SNX29: variants seen among roughly 807,000 people sequenced by gnomAD.
SNX29 encodes sorting nexin-29.
Under a neutral mutation model 102.1 loss-of-function variants are expected in SNX29, and 78 were observed. The observed-to-expected ratio is 0.76, with a 90% confidence interval of 0.64 to 0.92. The LOEUF (loss-of-function observed/expected upper bound fraction) is 0.92, where lower values mean the gene tolerates loss of function less well. Among genes scored for constraint, SNX29 ranks in the 40% least tolerant of loss-of-function variants. The pLI is 0.00. For missense variants in SNX29, 1,280 were observed against 1,061.7 expected (o/e 1.21, Z -2.86); for synonymous variants, 580 against 414.5 (o/e 1.40, Z -4.85).
chr16:12,496,529 T>TTTTTTTTTAC (rs1384093862), intron 19 of SNX29, among the ~76,000 whole-genome samples: 1 of 139,772 alleles, frequency 7.2e-6, no homozygotes, highest in African/African-American at 2.6e-5. Context: ...TTTTTTTTTT[T>TTTTTTTTTAC]AAACCTAGTC....
At chr16:12,348,578 C>A (rs888283040) in intron 15 of SNX29, among the ~76,000 whole-genome samples, 6 of 152,112 alleles carry the variant, frequency 3.9e-5, no homozygotes, top group African/African-American at 1.4e-4. Flanking sequence ...GTGTCCCTTA[C>A]CTTTGAGATG....
At chr16:12,199,705 G>A (rs1391147174) in intron 14 of SNX29, 22 bp downstream of exon 14, 2 of 1,605,868 alleles carry the variant, frequency 1.2e-6, no homozygotes, top group South Asian at 2.2e-5. Flanking sequence ...CCTGAGCCCG[G>A]GTTGGGAGGG....
intron 15 of SNX29, among the ~76,000 whole-genome samples, chr16:12,355,243 G>A (rs2082097601): frequency 6.6e-6 from 1 of 152,128 alleles, no homozygotes; most frequent in African/African-American, 2.4e-5. Context: ...CAAAAAAAGA[G>A]GGCTCCCTTT....
chr16:12,425,763 A>ATTTCTGAATTCCTCTCGGAATTCC (rs1351243774), intron 18 of SNX29, among the ~76,000 whole-genome samples: 14 of 152,104 alleles, frequency 9.2e-5, no homozygotes, highest in Middle Eastern at 3.4e-3. Context: ...CCAGGAATTC[A>ATTTCTGAATTCCTCTCGGAATTCC]TTTCTGAATT....
At chr16:11,995,648 A>T (rs1469981044) in intron 1 of SNX29, among the ~76,000 whole-genome samples, 25 of 127,750 alleles carry the variant, frequency 2.0e-4, no homozygotes, top group Admixed American at 2.0e-3. Context: ...AATACTCTTA[A>T]AAAAAAAAAA....
chr16:12,000,788 G>A (rs759004052), intron 2 of SNX29, among the ~76,000 whole-genome samples: 5 of 152,162 alleles, frequency 3.3e-5, no homozygotes, highest in Middle Eastern at 3.2e-3. Flanking sequence ...TGGCTCAGAC[G>A]TAGCTGGAAT....
At chr16:12,157,419 T>A (rs2055598512) in intron 13 of SNX29, among the ~76,000 whole-genome samples, 1 of 151,814 alleles carries the variant, frequency 6.6e-6, no homozygotes. Flanking sequence ...GGACGTGGGG[T>A]CATGATGTCT....
chr16:12,007,814 C>T (rs985110689), intron 3 of SNX29, among the ~76,000 whole-genome samples: 2 of 152,252 alleles, frequency 1.3e-5, no homozygotes, highest in Admixed American at 1.3e-4. Flanking sequence ...CTTGAAACCT[C>T]CCAGCTGCCT....
intron 1 of SNX29, among the ~76,000 whole-genome samples, chr16:11,994,182 T>A (rs1485365064): frequency 6.6e-6 from 1 of 152,170 alleles, no homozygotes; most frequent in Non-Finnish European, 1.5e-5. Flanking sequence ...GACTTTCCCG[T>A]GCACATGAGG....
At position 12,572,397 on chromosome 16, in the gene SNX29, G is replaced by C. The variant is rs199815175; in HGVS notation, c.*3768G>C. 22 of 1,063,438 alleles carry C rather than the reference G, an allele frequency of 2.1e-5. 1 individual carries two copies. The East Asian group carries it at 7.0e-4, about 34-fold the overall frequency. 65.9% of individuals were successfully genotyped at this position (1,063,438 alleles called of 1,614,324 possible). On this transcript the variant is annotated 3_prime_UTR_variant, in exon 21 of 21. Coordinates refer to ENST00000566228, the MANE Select transcript of SNX29 (RefSeq NM_032167.5). ...GAGGCGGCTTATATCCCAACAGCCT[G>C]AGGCAGGGCTCTGTGGCCCAGGCCG...
At chr16:12,379,445 A>T (rs2082997858) in intron 16 of SNX29, among the ~76,000 whole-genome samples, 1 of 152,212 alleles carries the variant, frequency 6.6e-6, no homozygotes, top group African/African-American at 2.4e-5. Context: ...TTAGGGAAGA[A>T]ATTGAAGCTC....
chr16:12,255,892 G>A (rs2078558312), intron 14 of SNX29, among the ~76,000 whole-genome samples: 1 of 152,226 alleles, frequency 6.6e-6, no homozygotes, highest in Non-Finnish European at 1.5e-5. Context: ...GGATAAATAT[G>A]CAGTAGTGGG....
chr16:12,083,852 T>C (rs556122209), intron 11 of SNX29, among the ~76,000 whole-genome samples: 1 of 152,354 alleles, frequency 6.6e-6, no homozygotes, highest in Non-Finnish European at 1.5e-5. Flanking sequence ...CTTCCCTGGC[T>C]TCGTGTAATA....
At chr16:12,255,598 A>T (rs374279234) in intron 14 of SNX29, among the ~76,000 whole-genome samples, 11,509 of 152,098 alleles carry the variant, frequency 0.076, 1,015 homozygotes, top group African/African-American at 0.21. Flanking sequence ...TTCTATGCTC[A>T]TAAGATTCCA....
chr16:12,419,573 C>A (rs865890215), intron 18 of SNX29, among the ~76,000 whole-genome samples: 43 of 149,250 alleles, frequency 2.9e-4, no homozygotes, highest in South Asian at 8.5e-4. Flanking sequence ...CCCCCCCCCC[C>A]ATCTTTCTGT....
At chr16:12,044,207 T>G (rs777539825) in intron 5 of SNX29, among the ~76,000 whole-genome samples, 2 of 152,190 alleles carry the variant, frequency 1.3e-5, no homozygotes, top group Non-Finnish European at 2.9e-5. Flanking sequence ...TTTCACTGAA[T>G]TCCGTAAGTG....
At chr16:12,531,597 A>T (rs551143323) in intron 20 of SNX29, among the ~76,000 whole-genome samples, 4 of 152,138 alleles carry the variant, frequency 2.6e-5, no homozygotes, top group Non-Finnish European at 5.9e-5. Context: ...GAGGACGGTG[A>T]GAGTTGAGTA....
At chr16:12,553,373 T>G (rs531703424) in intron 20 of SNX29, among the ~76,000 whole-genome samples, 1 of 152,170 alleles carries the variant, frequency 6.6e-6, no homozygotes, top group Admixed American at 6.5e-5. Context: ...TTGCCAGACA[T>G]GCTCTCAAGT....
At chr16:12,084,170 A>G (rs993652441) in intron 11 of SNX29, among the ~76,000 whole-genome samples, 1 of 149,406 alleles carries the variant, frequency 6.7e-6, no homozygotes, top group Admixed American at 6.7e-5. Flanking sequence ...TTTGAGACGG[A>G]GTGTTGCTCT....
Sources: allele counts gnomAD v4.1 joint callset (sites outside exome capture counted in the v4.1 genomes callset), GRCh38; gene constraint gnomAD v4.1.1; transcripts MANE v1.5; gene names NCBI Gene and HGNC (gene_info 2026-07-23, HGNC 2026-07-21).